The following CLIC2 variants were observed in gnomAD, a reference collection of about 807,000 sequenced individuals.
CLIC2 encodes chloride intracellular channel protein 2.
Under a neutral mutation model 14.8 loss-of-function variants are expected in CLIC2, and 9 were observed. The observed-to-expected ratio is 0.61, with a 90% CI of 0.37 to 1.06. The LOEUF (loss-of-function observed/expected upper bound fraction) is 1.06. CLIC2 is among the 50% of genes least tolerant of loss of function. The pLI, the probability that CLIC2 is intolerant of heterozygous loss-of-function variation, is 0.01. For synonymous variants in CLIC2, 61 were observed against 66.3 expected, an observed-to-expected ratio of 0.92 and a Z score of 0.39; for missense variants, 148 against 181.4, an observed-to-expected ratio of 0.82 and a Z score of 1.06.
chrX:155,306,676 A>G (rs1472473175), intron 1 of CLIC2, among the ~76,000 whole-genome samples: 1 of 110,888 alleles, frequency 9.0e-6, no homozygotes, highest in African/African-American at 3.3e-5. Flanking sequence ...GGGAAATTTT[A>G]CTCATAGCAG....
intron 1 of CLIC2, among the ~76,000 whole-genome samples, chrX:155,319,518 A>C (rs1032543645): frequency 8.9e-6 from 1 of 112,024 alleles, no homozygotes; most frequent in Non-Finnish European, 1.9e-5. Context: ...GGAATGGTGC[A>C]CTCTGGCCCA....
chrX:155,299,344 T>G (rs1327122085), intron 1 of CLIC2, among the ~76,000 whole-genome samples, 199 bp from the exon 2 acceptor site: 1 of 105,939 alleles, frequency 9.4e-6, no homozygotes, highest in Non-Finnish European at 2.0e-5. Context: ...GGGTACATAA[T>G]AATAATAATA....
chrX:155,300,501 C>A (rs1315032891), intron 1 of CLIC2, among the ~76,000 whole-genome samples: 1 of 111,259 alleles, frequency 9.0e-6, no homozygotes, highest in East Asian at 2.8e-4. Context: ...GAGTAGGTTG[C>A]GAAAATTTTC....
rs1356402051 is a variant in CLIC2, at chrX:155,304,075, C to T, written c.58-4930G>A. Among the ~76,000 whole-genome samples the T allele has an allele frequency of 4.8e-3, 515 of 106,663 alleles. 3 individuals carry two copies. The highest frequency in any genetic ancestry group is 8.5e-3 in the Non-Finnish European group (439 of 51,651). 92.6% of individuals were successfully genotyped at this position (106,663 alleles called of 115,157 possible). A position where few individuals can be genotyped will look rare whatever the true frequency, so the allele number is the denominator to read the frequency against. On this transcript the variant is annotated intron_variant, in intron 1 of 5. Coordinates refer to ENST00000369449, the MANE Select transcript of CLIC2 (RefSeq NM_001289.6). ...TTATGTGTCTTGGAGTTGCTCTTTT[C>T]GAGGAGTATCTTTGTGGCGTTCTCT...
chrX:155,293,478 A>C (rs1384620703), intron 3 of CLIC2: 3 of 531,687 alleles, frequency 5.6e-6, no homozygotes, highest in Non-Finnish European at 1.0e-5. Context: ...AAAACCACCA[A>C]ACTGTAATGA....
chrX:155,299,933 T>A (rs1353144562), intron 1 of CLIC2, among the ~76,000 whole-genome samples: 1 of 110,549 alleles, frequency 9.0e-6, no homozygotes, highest in Non-Finnish European at 1.9e-5. Flanking sequence ...TGCATAGTAT[T>A]CCATGGTGTA....
chrX:155,297,757 G>C (rs1271398679), intron 3 of CLIC2, among the ~76,000 whole-genome samples: 1 of 100,309 alleles, frequency 1.0e-5, no homozygotes, highest in Non-Finnish European at 2.0e-5. Flanking sequence ...GGGAGGCTGA[G>C]GCAGGAGAAT....
At chrX:155,287,551 C>A (rs1602931073) in intron 3 of CLIC2, among the ~76,000 whole-genome samples, 1 of 111,152 alleles carries the variant, frequency 9.0e-6, no homozygotes, top group East Asian at 2.8e-4. Context: ...CCAGGCTGAT[C>A]TGGAACAGCT....
intron 1 of CLIC2, among the ~76,000 whole-genome samples, chrX:155,300,651 C>G (rs1488311436): frequency 5.6e-5 from 6 of 107,666 alleles, no homozygotes; most frequent in Admixed American, 4.0e-4. Context: ...AAGTCCTTGC[C>G]CATGCCTATG....
chrX:155,301,261 T>TG (rs1268601207), intron 1 of CLIC2, among the ~76,000 whole-genome samples: 7 of 105,555 alleles, frequency 6.6e-5, no homozygotes, highest in Non-Finnish European at 1.4e-4. Flanking sequence ...CCTTGAGCAG[T>TG]GGTTTGTAGT....
At chrX:155,323,922 C>T (rs1414682034) in intron 1 of CLIC2, among the ~76,000 whole-genome samples, 1 of 112,079 alleles carries the variant, frequency 8.9e-6, no homozygotes, top group African/African-American at 3.2e-5. Context: ...CTCCCATTCA[C>T]AATTGCTACA....
At chrX:155,310,393 C>A (rs943180525) in intron 1 of CLIC2, 2 of 250,040 alleles carry the variant, frequency 8.0e-6, no homozygotes, top group Non-Finnish European at 1.6e-5. Flanking sequence ...TTTCTGAAGC[C>A]AATTTCCCCA....
intron 1 of CLIC2, among the ~76,000 whole-genome samples, chrX:155,300,490 T>C (rs1335747576): frequency 8.9e-6 from 1 of 111,732 alleles, no homozygotes; most frequent in Non-Finnish European, 1.9e-5. Flanking sequence ...CTTTGTCAGA[T>C]GAGTAGGTTG....
chrX:155,306,423 T>C (rs2075055873), intron 1 of CLIC2, among the ~76,000 whole-genome samples: 1 of 111,893 alleles, frequency 8.9e-6, no homozygotes, highest in Admixed American at 9.5e-5. Flanking sequence ...CCATGCTTCT[T>C]GTAATATCTG....
rs2075090224 is a variant in CLIC2, at chrX:155,315,073, C to CA, written c.58-15929dup. ...GACAAAGAAAAAAATAATTAAAAAA[C>CA]AAAAAAAGTGAACAAAGCCTCCAAA... On this transcript the variant is annotated intron_variant, in intron 1 of 5. Coordinates refer to ENST00000369449, the MANE Select transcript of CLIC2 (RefSeq NM_001289.6). 2.7e-5 allele frequency among the ~76,000 whole-genome samples: 3 copies of CA among 111,159 alleles called. No individual in the cohort carries two copies. In the Admixed American group the frequency reaches 2.9e-4, roughly 11 times the overall value.
At chrX:155,304,139 T>C (rs1360698887) in intron 1 of CLIC2, among the ~76,000 whole-genome samples, 7 of 108,334 alleles carry the variant, frequency 6.5e-5, no homozygotes, top group Non-Finnish European at 1.3e-4. Flanking sequence ...CCTTGCTAGA[T>C]TGGGGAAGTT....
intron 3 of CLIC2, chrX:155,291,490 A>G (rs1602934116): frequency 2.7e-6 from 1 of 367,251 alleles, no homozygotes; most frequent in East Asian, 4.8e-5. Context: ...CTATGTTCCT[A>G]TTTAGATGCC....
rs1446738588 is a variant in CLIC2 at position 155,307,350 on chromosome X, CAT to C, written c.58-8207_58-8206del. On this transcript the variant is annotated intron_variant, in intron 1 of 5. Transcript: ENST00000369449. Reference sequence around the variant, plus strand: ...AGAGGGCATTCTAAACAGGGAATAACATGTGCAAAGGTCTTGCAATAGGCTTG... The same window carrying C: ...AGAGGGCATTCTAAACAGGGAATAACGTGCAAAGGTCTTGCAATAGGCTTG... Among the ~76,000 whole-genome samples the C allele has an allele frequency of 7.2e-5, 8 of 110,657 alleles. No homozygotes were observed. In the South Asian group the frequency reaches 2.7e-3, roughly 37 times the overall value.
At chrX:155,297,926 A>G (rs2075000019) in intron 3 of CLIC2, among the ~76,000 whole-genome samples, 1 of 104,590 alleles carries the variant, frequency 9.6e-6, no homozygotes, top group African/African-American at 3.4e-5. Context: ...TGCAGGTTTT[A>G]GAGGAAGAGA....
Sources: allele counts gnomAD v4.1 joint callset (sites outside exome capture counted in the v4.1 genomes callset), GRCh38; gene constraint gnomAD v4.1.1; transcripts MANE v1.5; gene names NCBI Gene and HGNC (gene_info 2026-07-23, HGNC 2026-07-21).